CDH8: variants seen among roughly 807,000 people sequenced by gnomAD.
CDH8 encodes cadherin 8, also known as cadherin-8.
In CDH8, 17 loss-of-function variants were observed where a neutral mutation model predicts 68.1. The ratio of observed to expected loss-of-function variants is 0.25; its 90% CI spans 0.17 to 0.37. The LOEUF is 0.37. Ranked by LOEUF, CDH8 falls within the 10% of genes least tolerant of loss-of-function variation. The probability of loss-of-function intolerance (pLI) is 1.00; values close to 1 mark genes in which losing one functional copy is unlikely to be tolerated. For synonymous variants in CDH8, 372 were observed against 365.1 expected (o/e 1.02, Z -0.21); for missense variants, 763 against 999.3 (o/e 0.76, Z 3.19).
chr16:62,028,338 G>A (rs890401914), intron 1 of CDH8, among the ~76,000 whole-genome samples: 2 of 151,898 alleles, frequency 1.3e-5, no homozygotes, highest in Non-Finnish European at 2.9e-5. Context: ...AAAGTGCTGG[G>A]ATTACAGACG....
intron 2 of CDH8, among the ~76,000 whole-genome samples, chr16:61,914,837 C>T (rs1444393007): frequency 6.6e-6 from 1 of 151,916 alleles, no homozygotes; most frequent in South Asian, 2.1e-4. Context: ...TCCCCAGAGG[C>T]GCTAGAAAGA....
chr16:61,711,161 G>A (rs1185323585), intron 10 of CDH8, among the ~76,000 whole-genome samples: 1 of 151,840 alleles, frequency 6.6e-6, no homozygotes, highest in Non-Finnish European at 1.5e-5. Context: ...AACTGTGTAG[G>A]AGACAAGAGA....
At chr16:61,851,056 A>G (rs1179952218) in intron 4 of CDH8, among the ~76,000 whole-genome samples, 1 of 152,046 alleles carries the variant, frequency 6.6e-6, no homozygotes, top group Admixed American at 6.6e-5. Context: ...TTCACTAAGC[A>G]AGTTCTTTAG....
intron 4 of CDH8, among the ~76,000 whole-genome samples, chr16:61,838,306 G>C (rs1292314800): frequency 1.3e-5 from 2 of 151,978 alleles, no homozygotes; most frequent in Non-Finnish European, 2.9e-5. Context: ...TGAATCTAAG[G>C]GAGATACATA....
At chr16:61,939,398 A>G (rs1476921435) in intron 2 of CDH8, among the ~76,000 whole-genome samples, 1 of 152,178 alleles carries the variant, frequency 6.6e-6, no homozygotes, top group Non-Finnish European at 1.5e-5. Context: ...TAAATAAACA[A>G]AGCTTGAAGA....
At chr16:61,927,483 T>C (rs1964473344) in intron 2 of CDH8, among the ~76,000 whole-genome samples, 1 of 152,188 alleles carries the variant, frequency 6.6e-6, no homozygotes, top group African/African-American at 2.4e-5. Flanking sequence ...AGAATTCTAT[T>C]TGAAATAATG....
At chr16:61,890,826 AT>A (rs1009310553) in intron 3 of CDH8, among the ~76,000 whole-genome samples, 66 of 152,150 alleles carry the variant, frequency 4.3e-4, no homozygotes, top group African/African-American at 1.6e-3. Flanking sequence ...TAATTCAAAG[AT>A]TTTCTGCTTC....
chr16:61,815,960 T>A (rs561772167), intron 7 of CDH8, among the ~76,000 whole-genome samples: 4 of 151,216 alleles, frequency 2.6e-5, no homozygotes, highest in East Asian at 1.9e-4. Context: ...CCAATGTAAA[T>A]TTTTTTTTGG....
chr16:61,695,116 C>A (rs1490864037), intron 10 of CDH8, among the ~76,000 whole-genome samples: 1 of 151,842 alleles, frequency 6.6e-6, no homozygotes, highest in African/African-American at 2.4e-5. Flanking sequence ...AATACTTCTG[C>A]TGTACACAAA....
At chr16:61,703,637 G>A (rs566084412) in intron 10 of CDH8, among the ~76,000 whole-genome samples, 2 of 152,178 alleles carry the variant, frequency 1.3e-5, no homozygotes, top group East Asian at 3.9e-4. Context: ...TCAGGAGATC[G>A]AGACCATCCT....
intron 10 of CDH8, among the ~76,000 whole-genome samples, chr16:61,684,601 A>G (rs1428338107): frequency 1.3e-5 from 2 of 152,048 alleles, no homozygotes; most frequent in Non-Finnish European, 2.9e-5. Context: ...CCAACTAGAC[A>G]CATAACACAT....
chr16:61,903,019 A>T (rs76752035), intron 2 of CDH8, among the ~76,000 whole-genome samples: 27 of 152,242 alleles, frequency 1.8e-4, no homozygotes, highest in East Asian at 7.7e-4. Context: ...CATTTTTATT[A>T]AAAAAATTTG....
intron 8 of CDH8, among the ~76,000 whole-genome samples, chr16:61,779,425 A>G (rs964659499): frequency 3.9e-4 from 54 of 139,112 alleles, no homozygotes; most frequent in African/African-American, 1.1e-3. Context: ...ATGTTCGTTT[A>G]TGTGTGTGTG....
At chr16:61,747,541 A>G (rs951278815) in intron 8 of CDH8, among the ~76,000 whole-genome samples, 8 of 152,240 alleles carry the variant, frequency 5.3e-5, no homozygotes, top group Middle Eastern at 3.4e-3. Context: ...ACAGGGACAA[A>G]GCAACAAGCT....
chr16:61,946,702 C>A (rs773712558), intron 2 of CDH8, among the ~76,000 whole-genome samples: 10 of 152,178 alleles, frequency 6.6e-5, no homozygotes, highest in South Asian at 2.1e-4. Context: ...CATACATTAA[C>A]CCTCTTGATC....
intron 2 of CDH8, among the ~76,000 whole-genome samples, chr16:62,017,488 C>G (rs1249573572): frequency 6.6e-6 from 1 of 152,056 alleles, no homozygotes; most frequent in Non-Finnish European, 1.5e-5. Flanking sequence ...TAAGATCAGT[C>G]TGGGAAACAC....
At chr16:61,863,914 G>T (rs560530092) in intron 3 of CDH8, among the ~76,000 whole-genome samples, 7 of 152,206 alleles carry the variant, frequency 4.6e-5, no homozygotes, top group South Asian at 2.1e-4. Flanking sequence ...TGGCCTAAAA[G>T]GTCATAGCAA....
chr16:61,695,457 G>A (rs1964307156), intron 10 of CDH8, among the ~76,000 whole-genome samples: 1 of 152,208 alleles, frequency 6.6e-6, no homozygotes, highest in South Asian at 2.1e-4. Flanking sequence ...GACCTTATTT[G>A]GGTCAATTCG....
rs544970192 is a variant in CDH8, at chr16:61,722,823, A to G, written c.1536+4271T>C. ...CATAATAAACAAACTTTATATTTCT[A>G]CAATGTTGGTCAGAGGCAGAAAGAT... is the stretch of plus-strand genomic sequence containing the variant. On this transcript the variant is annotated intron_variant, in intron 9 of 11. Transcript: ENST00000577390. Among the ~76,000 whole-genome samples the G allele has an allele frequency of 6.0e-5, 9 of 150,798 alleles. No individual in the cohort carries two copies. In the East Asian group the frequency reaches 1.6e-3, roughly 26 times the overall value.
Sources: gnomAD v4.1 joint callset for allele counts (sites outside exome capture counted in the v4.1 genomes callset) on GRCh38, gnomAD v4.1.1 for gene constraint, MANE v1.5 for transcripts, NCBI Gene and HGNC (gene_info 2026-07-23, HGNC 2026-07-21) for gene names.